Variants in SLC45A4 observed in about 807,000 individuals in gnomAD.
SLC45A4 encodes the protein polyamine-transporter SLC45A4.
A neutral mutation model predicts 63.7 loss-of-function variants in SLC45A4; 32 were observed. The observed-to-expected ratio is 0.50, with a 90% confidence interval of 0.38 to 0.67. The LOEUF (loss-of-function observed/expected upper bound fraction) is 0.67. Ranked by LOEUF, SLC45A4 falls within the 30% of genes least tolerant of loss-of-function variation. The pLI is 0.00. For synonymous variants in SLC45A4, 535 were observed against 510.0 expected (o/e 1.05, Z -0.66); for missense variants, 1,027 against 1,157.7 (o/e 0.89, Z 1.64).
intron 1 of SLC45A4, among the ~76,000 whole-genome samples, chr8:141,269,034 T>G (rs1010027796): frequency 1.3e-5 from 2 of 152,218 alleles, no homozygotes; most frequent in Non-Finnish European, 2.9e-5. Context: ...AACTGCAGGT[T>G]CTGGGGCTCC....
At chr8:141,277,040 G>A (rs567630264) in intron 1 of SLC45A4, among the ~76,000 whole-genome samples, 1 of 152,364 alleles carries the variant, frequency 6.6e-6, no homozygotes, top group South Asian at 2.1e-4. Flanking sequence ...GGGAAGGCAG[G>A]CAGAGCCCTT....
Position 141,215,623 on chromosome 8 carries a change from C to A in SLC45A4, c.1941+136G>T. ...GTGGCTCTGTGGGCTTTGGAAGGGG[C>A]CATCTCAGAACCGGAGAGGAAGGAG... On this transcript the variant is annotated intron_variant, in intron 7 of 8. Coordinates refer to ENST00000517878, the MANE Select transcript of SLC45A4 (RefSeq NM_001286646.2). The surrounding 1 kb of genome is among the most constrained non-coding windows in gnomAD (Gnocchi z 4.3). 1 of 856,930 alleles carries A rather than the reference C, an allele frequency of 1.2e-6. No homozygotes were observed. The highest frequency in any genetic ancestry group is 1.8e-6 in the Non-Finnish European group (1 of 548,058). The allele number at this position is 856,930 out of a possible 1,614,324, so 53.1% of individuals were successfully genotyped here. A position where few individuals can be genotyped will look rare whatever the true frequency, so the allele number is the denominator to read the frequency against.
chr8:141,212,135 GCCGCCCGCCCGC>G (rs1007022385), intron 8 of SLC45A4, 50 bp downstream of exon 8: 12 of 545,748 alleles, frequency 2.2e-5, no homozygotes, highest in East Asian at 9.1e-5. Context: ...GCCTGGCCCC[GCCGCCCGCCCGC>G]CCGCCCACCC....
chr8:141,257,542 G>A (rs765178127), intron 1 of SLC45A4, among the ~76,000 whole-genome samples: 4 of 152,200 alleles, frequency 2.6e-5, no homozygotes, highest in Non-Finnish European at 4.4e-5. Context: ...CAGTGTCCTC[G>A]GAGACTTGTG....
chr8:141,215,963 T>C lies in SLC45A4; in HGVS notation c.1737A>G (p.Leu579=). 6.2e-7 allele frequency: 1 copy of C among 1,613,266 alleles called. No homozygotes were observed. Among genetic ancestry groups the C allele is most frequent in the Non-Finnish European group, 8.5e-7 (1 of 1,179,800 alleles). The change falls in exon 7 of 9, where the codon TTA becomes TTG. Residue 579 remains leucine, a synonymous_variant. Coordinates refer to ENST00000517878, the MANE Select transcript of SLC45A4 (RefSeq NM_001286646.2). This position sits in a 1 kb window ranked among gnomAD's most constrained non-coding sequence, Gnocchi z 4.3. ...GGTCGTAGTTGTCCAAGTACTTCTGTAACAGGGCTGCAGAGAGGGGCACAG... is the reference window on the plus strand; with the variant it reads ...GGTCGTAGTTGTCCAAGTACTTCTGCAACAGGGCTGCAGAGAGGGGCACAG... ...AATGAICSAL[L]QKYLDNYDLS... is the part of the protein sequence containing the mutation.
intron 1 of SLC45A4, among the ~76,000 whole-genome samples, chr8:141,274,659 C>CCT (rs1829665296): frequency 6.6e-6 from 1 of 152,142 alleles, no homozygotes. Flanking sequence ...ACCATGGGAC[C>CCT]CTCTCCCCTT....
chr8:141,230,747 G>A (rs907066358), intron 2 of SLC45A4, among the ~76,000 whole-genome samples: 1 of 152,272 alleles, frequency 6.6e-6, no homozygotes, highest in East Asian at 1.9e-4. Flanking sequence ...GCCCAGGGAA[G>A]TGCAATGCTG....
At chr8:141,269,506 G>A (rs1038975150) in intron 1 of SLC45A4, among the ~76,000 whole-genome samples, 11 of 151,322 alleles carry the variant, frequency 7.3e-5, no homozygotes, top group African/African-American at 9.7e-5. Flanking sequence ...TGCCTGTGTC[G>A]CGTGTGTGTA....
At chr8:141,277,517 T>C (rs1235625208) in intron 1 of SLC45A4, among the ~76,000 whole-genome samples, 3 of 152,202 alleles carry the variant, frequency 2.0e-5, no homozygotes, top group Non-Finnish European at 4.4e-5. Flanking sequence ...CCTGAAAGCT[T>C]ATCACAGACG....
At position 141,218,314 on chromosome 8, in the gene SLC45A4, G is replaced by A. The variant is rs767712672; in HGVS notation, c.1326C>T (p.Arg442=). The A allele has an allele frequency of 2.3e-5, 37 of 1,606,770 alleles. No homozygotes were observed. Among genetic ancestry groups the A allele is most frequent in the Non-Finnish European group, 3.0e-5 (35 of 1,179,854 alleles). ...GCTTGATCAGCACCACGGCGTTGGC[G>A]CGCCGGTAGCGGTAGCAGTGGGACC... ...KLGSHCYRYR[R]ANAVVLIKPS... Residue 442 remains arginine, a synonymous_variant, in exon 5 of 9, where the codon CGC becomes CGT. Transcript: ENST00000517878.
intron 2 of SLC45A4, chr8:141,230,230 G>A: frequency 2.3e-6 from 1 of 426,324 alleles, no homozygotes; most frequent in Non-Finnish European, 4.7e-6. Flanking sequence ...AAGACCCACT[G>A]TGGCTGTCAG....
chr8:141,219,992 A>C lies in SLC45A4; in HGVS notation c.431-163T>G, dbSNP rs544415219. On this transcript the variant is annotated intron_variant, in intron 3 of 8. Coordinates refer to ENST00000517878, the MANE Select transcript of SLC45A4 (RefSeq NM_001286646.2). ...GGCTCTTAGGCACAGAGGCAGCGGA[A>C]AGGAGTTGGGCTTTGTTCCACGCAC... 5.1e-4 allele frequency among the ~76,000 whole-genome samples: 77 copies of C among 152,300 alleles called. No individual in the cohort carries two copies. In the South Asian group the frequency reaches 7.1e-3, roughly 14 times the overall value.
intron 6 of SLC45A4, among the ~76,000 whole-genome samples, chr8:141,216,467 A>C (rs1016096653): frequency 3.3e-5 from 5 of 152,156 alleles, no homozygotes; most frequent in Non-Finnish European, 5.9e-5. Context: ...CTCTGCTGAG[A>C]ATTCCTCTGT....
chr8:141,267,425 G>A (rs1306027639), intron 1 of SLC45A4, among the ~76,000 whole-genome samples: 1 of 152,264 alleles, frequency 6.6e-6, no homozygotes, highest in Non-Finnish European at 1.5e-5. Context: ...CAGAAGCCCT[G>A]TGCGGGCAAG....
intron 1 of SLC45A4, among the ~76,000 whole-genome samples, chr8:141,266,954 C>T (rs759324967): frequency 6.6e-6 from 1 of 152,222 alleles, no homozygotes; most frequent in Admixed American, 6.5e-5. Flanking sequence ...TTGTGGTACC[C>T]TGGTCTGGCA....
rs569807764 is a variant in SLC45A4, at chr8:141,236,609, T to A, written c.242-14844A>T. On this transcript the variant is annotated intron_variant, in intron 2 of 8. Transcript: ENST00000517878. ...TAAGATCTAAATAGTCCGTTTTTTT[T>A]AAATGACAAAATGACCATCATCTGG... Among the ~76,000 whole-genome samples the A allele has an allele frequency of 1.2e-4, 18 of 152,378 alleles. No individual in the cohort carries two copies. In the East Asian group the frequency reaches 3.1e-3, roughly 26 times the overall value.
chr8:141,282,295 C>T (rs1829983034), intron 1 of SLC45A4, among the ~76,000 whole-genome samples: 2 of 152,240 alleles, frequency 1.3e-5, no homozygotes, highest in Admixed American at 6.5e-5. Flanking sequence ...TATGCTCCTC[C>T]TGCCTTCCCA....
intron 2 of SLC45A4, chr8:141,228,705 C>G: frequency 2.4e-6 from 2 of 836,174 alleles, no homozygotes; most frequent in Non-Finnish European, 2.9e-6. Flanking sequence ...CGGAAGCTTC[C>G]TGAAGAGCAC....
At chr8:141,259,365 C>G (rs1828954682) in intron 1 of SLC45A4, among the ~76,000 whole-genome samples, 1 of 152,326 alleles carries the variant, frequency 6.6e-6, no homozygotes. Context: ...CCACCTCAGG[C>G]CCCCCAGCTC....
Sources: gnomAD v4.1 joint callset for allele counts (sites outside exome capture counted in the v4.1 genomes callset) on GRCh38, gnomAD v4.1.1 for gene constraint, Gnocchi (gnomAD v3.1) non-coding constraint, MANE v1.5 for transcripts, NCBI Gene and HGNC (gene_info 2026-07-23, HGNC 2026-07-21) for gene names.